SH3RF3: variants seen among roughly 807,000 people sequenced by gnomAD.
SH3RF3 encodes E3 ubiquitin-protein ligase SH3RF3.
A neutral mutation model predicts 66.3 loss-of-function variants in SH3RF3; 29 were observed. The observed-to-expected ratio is 0.44, with a 90% CI of 0.33 to 0.60. SH3RF3 has a LOEUF of 0.60. Among genes scored for constraint, SH3RF3 ranks in the 20% least tolerant of loss-of-function variants. The probability of loss-of-function intolerance (pLI) is 0.04; values close to 1 mark genes in which losing one functional copy is unlikely to be tolerated. For missense variants in SH3RF3, 1,194 were observed against 1,190.9 expected (o/e 1.00, Z -0.04); for synonymous variants, 583 against 532.0 (o/e 1.10, Z -1.32).
chr2:109,165,048 A>G (rs111359870), intron 1 of SH3RF3, among the ~76,000 whole-genome samples: 135 of 152,292 alleles, frequency 8.9e-4, no homozygotes, highest in African/African-American at 2.7e-3. Context: ...ATCATTTTCC[A>G]TCTCTGTTGG....
chr2:109,193,675 C>G (rs1414697242), intron 1 of SH3RF3, among the ~76,000 whole-genome samples: 4 of 152,070 alleles, frequency 2.6e-5, no homozygotes, highest in Non-Finnish European at 4.4e-5. Flanking sequence ...TTGTTTCTAC[C>G]TCTACATTTA....
Position 109,129,539 on chromosome 2 carries a change from C to G in SH3RF3, c.-2C>G, listed in dbSNP as rs753943045. 81 of 1,496,580 alleles carry G rather than the reference C, an allele frequency of 5.4e-5. 3 individuals are homozygous for G. In the South Asian group the frequency reaches 8.9e-4, roughly 16 times the overall value. The allele number at this position is 1,496,580 out of a possible 1,614,324, so 92.7% of individuals were successfully genotyped here. A position where few individuals can be genotyped will look rare whatever the true frequency, so the allele number is the denominator to read the frequency against. ...CGCGAGACCGCTGCGGGCGCCTCCCCCATGCTGCTCGGAGCGTCCTGGCTG... is the reference window on the plus strand; with the variant it reads ...CGCGAGACCGCTGCGGGCGCCTCCCGCATGCTGCTCGGAGCGTCCTGGCTG... On this transcript the variant is annotated 5_prime_UTR_variant, in exon 1 of 10. Transcript: ENST00000309415.
chr2:109,163,266 A>G (rs1021752160), intron 1 of SH3RF3, among the ~76,000 whole-genome samples: 8 of 152,058 alleles, frequency 5.3e-5, no homozygotes, highest in African/African-American at 1.9e-4. Flanking sequence ...GGGCTCTGCC[A>G]TTTGTTTCTT....
At chr2:109,362,277 GTTCAAAATA>G (rs1354100589) in intron 2 of SH3RF3, among the ~76,000 whole-genome samples, 3 of 152,162 alleles carry the variant, frequency 2.0e-5, no homozygotes, top group African/African-American at 7.2e-5. Context: ...TTTTTATTTA[GTTCAAAATA>G]TTTTTTAAAT....
At chr2:109,365,436 T>TG (rs530352144) in intron 2 of SH3RF3, among the ~76,000 whole-genome samples, 65 of 152,326 alleles carry the variant, frequency 4.3e-4, no homozygotes, top group Admixed American at 1.6e-3. Context: ...CTCTTCAATT[T>TG]GGGGGGCAGC....
At position 109,502,371 on chromosome 2, in the gene SH3RF3, T is replaced by G. The variant is rs962749377; in HGVS notation, c.*700T>G. 1 of 152,264 alleles carries G rather than the reference T, an allele frequency of 6.6e-6. No individual in the cohort carries two copies. Among genetic ancestry groups the G allele is most frequent in the African/African-American group, 2.4e-5 (1 of 41,472 alleles). The allele number at this position is 152,264 out of a possible 1,614,324, so 9.4% of individuals were successfully genotyped here. A position where few individuals can be genotyped will look rare whatever the true frequency, so the allele number is the denominator to read the frequency against. ...GCTGTTAGACTTTATATATTTCTAA[T>G]AGGTCAGACATTGCCTATTTTTCAT... On this transcript the variant is annotated 3_prime_UTR_variant, in exon 10 of 10. Coordinates refer to ENST00000309415, the MANE Select transcript of SH3RF3 (RefSeq NM_001099289.3).
At chr2:109,262,951 G>C (rs910863723) in intron 1 of SH3RF3, among the ~76,000 whole-genome samples, 3 of 152,044 alleles carry the variant, frequency 2.0e-5, no homozygotes, top group African/African-American at 7.2e-5. Flanking sequence ...TTCTGTCTCA[G>C]CCTCCCACGT....
At chr2:109,170,309 CT>C (rs1558938343) in intron 1 of SH3RF3, among the ~76,000 whole-genome samples, 1 of 124,190 alleles carries the variant, frequency 8.1e-6, no homozygotes, top group African/African-American at 3.1e-5. Context: ...CTTCTCTTCT[CT>C]TCTCTCCTCT....
intron 1 of SH3RF3, among the ~76,000 whole-genome samples, chr2:109,163,184 C>T (rs1017693084): frequency 5.6e-4 from 86 of 152,258 alleles, no homozygotes; most frequent in African/African-American, 1.9e-3. Flanking sequence ...ACCCCCGAGG[C>T]GGGAATAGGA....
At chr2:109,139,505 G>A (rs1160981192) in intron 1 of SH3RF3, among the ~76,000 whole-genome samples, 1 of 152,222 alleles carries the variant, frequency 6.6e-6, no homozygotes, top group African/African-American at 2.4e-5. Context: ...GGCTGAATTT[G>A]TGTTGTGGAC....
chr2:109,293,576 C>A (rs577827356), intron 1 of SH3RF3, among the ~76,000 whole-genome samples: 1 of 152,218 alleles, frequency 6.6e-6, no homozygotes. Flanking sequence ...GGGTGTGAAG[C>A]CCATGCCAAC....
In SH3RF3 at chr2:109,349,445, C is replaced by G. The variant is rs112065861; in HGVS notation, c.849+1496C>G. On this transcript the variant is annotated intron_variant, in intron 2 of 9. Transcript: ENST00000309415. Reference sequence around the variant, plus strand: ...AGTCGGAGGGCGAGAGCAACAGCTTCCTGGGGCTATTTTTAGGCACACAGA... The same window carrying G: ...AGTCGGAGGGCGAGAGCAACAGCTTGCTGGGGCTATTTTTAGGCACACAGA... Among the ~76,000 whole-genome samples, 167 of 152,296 alleles carry G rather than the reference C, an allele frequency of 1.1e-3. 2 individuals carry two copies. The highest frequency in any genetic ancestry group is 3.8e-3 in the African/African-American group (157 of 41,570).
At chr2:109,433,864 A>C (rs1411035495) in intron 6 of SH3RF3, among the ~76,000 whole-genome samples, 2 of 152,252 alleles carry the variant, frequency 1.3e-5, no homozygotes, top group African/African-American at 4.8e-5. Flanking sequence ...AGCAAACTGC[A>C]GAGGGGCTTC....
intron 1 of SH3RF3, among the ~76,000 whole-genome samples, chr2:109,236,522 T>C (rs1438256774): frequency 6.6e-6 from 1 of 152,170 alleles, no homozygotes; most frequent in African/African-American, 2.4e-5. Context: ...AGGAAATAAA[T>C]GGTATATTTT....
chr2:109,336,853 C>T lies in SH3RF3; in HGVS notation c.574-10821C>T, dbSNP rs113831986. ...GACCCTCTCCTGCTCCAACCGTATC[C>T]GTCAACACCTGGTGCAGTGAAGAAT... On this transcript the variant is annotated intron_variant, in intron 1 of 9. Coordinates refer to ENST00000309415, the MANE Select transcript of SH3RF3 (RefSeq NM_001099289.3). Among the ~76,000 whole-genome samples, 468 of 152,166 alleles carry T rather than the reference C, an allele frequency of 3.1e-3. 3 individuals are homozygous for T. The highest frequency in any genetic ancestry group is 0.011 in the African/African-American group (447 of 41,524).
chr2:109,494,296 TGGCTCCTTGC>T (rs1216644580), intron 9 of SH3RF3, among the ~76,000 whole-genome samples: 5 of 140,204 alleles, frequency 3.6e-5, no homozygotes, highest in African/African-American at 1.3e-4. Context: ...GACTCTTTGG[TGGCTCCTTGC>T]ACCCAAGCAC....
intron 1 of SH3RF3, among the ~76,000 whole-genome samples, chr2:109,268,368 A>T (rs1011533079): frequency 6.6e-6 from 1 of 151,766 alleles, no homozygotes; most frequent in Non-Finnish European, 1.5e-5. Context: ...CTTAGTGGGG[A>T]TGTCCGTTTC....
intron 1 of SH3RF3, among the ~76,000 whole-genome samples, chr2:109,184,877 G>T (rs1678151996): frequency 6.6e-6 from 1 of 152,204 alleles, no homozygotes. Flanking sequence ...ATTGAAGCTG[G>T]TCCCTCAGCG....
At chr2:109,230,996 A>G (rs993948231) in intron 1 of SH3RF3, among the ~76,000 whole-genome samples, 14 of 152,210 alleles carry the variant, frequency 9.2e-5, no homozygotes, top group Admixed American at 7.2e-4. Flanking sequence ...ACAAAAGTAC[A>G]CTTTGTTATG....
Sources: allele counts gnomAD v4.1 joint callset (sites outside exome capture counted in the v4.1 genomes callset), GRCh38; gene constraint gnomAD v4.1.1; transcripts MANE v1.5; gene names NCBI Gene and HGNC (gene_info 2026-07-23, HGNC 2026-07-21).